ZBTB21: variants seen among roughly 807,000 people sequenced by gnomAD.
ZBTB21 encodes the protein zinc finger and BTB domain-containing protein 21.
ZBTB21 carries 10 observed loss-of-function variants against 39.8 expected under a neutral mutation model. The ratio of observed to expected loss-of-function variants is 0.25; its 90% confidence interval spans 0.16 to 0.43. The LOEUF is 0.43. Among genes scored for constraint, ZBTB21 ranks in the 20% least tolerant of loss-of-function variants. The probability of loss-of-function intolerance (pLI) is 1.00; values close to 1 mark genes in which losing one functional copy is unlikely to be tolerated. For synonymous variants in ZBTB21, 551 were observed against 498.8 expected, an observed-to-expected ratio of 1.10 and a Z score of -1.40; for missense variants, 1,221 against 1,296.3, an observed-to-expected ratio of 0.94 and a Z score of 0.89.
At chr21:42,008,400 C>T (rs1177779248) in intron 1 of ZBTB21, among the ~76,000 whole-genome samples, 1 of 147,720 alleles carries the variant, frequency 6.8e-6, no homozygotes, top group Non-Finnish European at 1.5e-5. Context: ...AGCCTGTAAT[C>T]CCGGCTACTC....
At position 41,993,686 on chromosome 21, in the gene ZBTB21, A is replaced by G. The variant is rs1244485020; in HGVS notation, c.410T>C (p.Val137Ala). The G allele has an allele frequency of 6.2e-7, 1 of 1,614,144 alleles. No individual in the cohort carries two copies. Among genetic ancestry groups the G allele is most frequent in the Non-Finnish European group, 8.5e-7 (1 of 1,180,030 alleles). ...PTCPNRKKVF[V>A]EDDENSSQKR... ...TTGAGAACTGTTTTCATCATCTTCT[A>G]CAAACACTTTTTTTCTATTAGGACA... is the stretch of plus-strand genomic sequence containing the variant. The change falls in exon 3 of 3, where the codon GTA (valine) becomes GCA (alanine). Residue 137 changes from valine to alanine, a missense_variant. Val to Ala is a moderately conservative substitution (Grantham distance 64). This residue lies in a region of ZBTB21 where 500 missense variants were observed against 465.6 expected (regional missense o/e 1.07). Transcript: ENST00000310826.
chr21:41,992,215 TCTCA>T lies in ZBTB21; in HGVS notation c.1877_1880del (p.Val626GlufsTer9), dbSNP rs774504533. 1.4e-5 allele frequency: 22 copies of T among 1,614,060 alleles called. No homozygotes were observed. Among genetic ancestry groups the T allele is most frequent in the Admixed American group, 1.7e-5 (1 of 60,008 alleles). ...TCAGGGCCTTCTTAATTTCTCTCTC[TCTCA>T]CTATGTCAATCAGCTTTCTTTGGAA... is the stretch of plus-strand genomic sequence containing the variant. On this transcript the variant is annotated frameshift_variant, in exon 3 of 3. Transcript: ENST00000310826. LOFTEE classifies it high-confidence loss of function. The surrounding 1 kb of genome is among the most constrained non-coding windows in gnomAD (Gnocchi z 4.1).
In ZBTB21 at chr21:41,993,436, A is replaced by G. The variant is rs1569106276; in HGVS notation, c.660T>C (p.Leu220=). 1 of 1,614,234 alleles carries G rather than the reference A, an allele frequency of 6.2e-7. No individual in the cohort carries two copies. The highest frequency in any genetic ancestry group is 1.7e-5 in the Admixed American group (1 of 60,030). The change falls in exon 3 of 3, where the codon CTT becomes CTC. Residue 220 remains leucine, a synonymous_variant. Transcript: ENST00000310826. The part of the protein sequence containing the change: ...KDSSVVYAKS[L]EHSGSLDDPN... ...GATCATCCAAAGATCCAGAATGCTC[A>G]AGAGACTTTGCATATACCACAGAAC...
At chr21:42,007,721 T>C (rs972907754) in intron 1 of ZBTB21, 1 of 152,246 alleles carries the variant, frequency 6.6e-6, no homozygotes, top group Non-Finnish European at 1.5e-5. Context: ...CTTGTTTGCA[T>C]GCACGTATCC....
intron 2 of ZBTB21, among the ~76,000 whole-genome samples, chr21:41,998,844 A>G (rs2065783772): frequency 1.3e-5 from 2 of 152,196 alleles, no homozygotes; most frequent in Admixed American, 6.5e-5. Flanking sequence ...GCCTGTCCAC[A>G]AACAACTACT....
intron 2 of ZBTB21, 38 bp from the exon 3 acceptor site, chr21:41,994,146 G>C (rs1246762700): frequency 1.3e-6 from 2 of 1,515,494 alleles, no homozygotes; most frequent in East Asian, 2.3e-5. Flanking sequence ...AGATATTGCA[G>C]TGAAAAGTTC....
In ZBTB21 at chr21:41,992,982, C is replaced by T; in HGVS notation, c.1114G>A (p.Ala372Thr). 1 of 1,614,222 alleles carries T rather than the reference C, an allele frequency of 6.2e-7. No individual in the cohort carries two copies. Among genetic ancestry groups the T allele is most frequent in the Non-Finnish European group, 8.5e-7 (1 of 1,180,052 alleles). Reference sequence around the variant, plus strand: ...AAAGCACACAACACATTCCCTGGTGCATCACTGGACACCGAAGATGATCCC... The same window carrying T: ...AAAGCACACAACACATTCCCTGGTGTATCACTGGACACCGAAGATGATCCC... ...SQGSSSVSSDAPGNVLCALSQ... is the reference protein window; with the variant it reads ...SQGSSSVSSDTPGNVLCALSQ... The change falls in exon 3 of 3, where the codon GCA becomes ACA. Residue 372 changes from alanine (A) to threonine (T), a missense_variant. Around this residue, in one of 4 missense-constraint regions of ZBTB21, gnomAD observed 500 missense variants for 465.6 expected, o/e 1.07. Coordinates refer to ENST00000310826, the MANE Select transcript of ZBTB21 (RefSeq NM_001098402.2). This position sits in a 1 kb window ranked among gnomAD's most constrained non-coding sequence, Gnocchi z 4.1.
At chr21:41,998,514 A>G (rs1162081600) in intron 2 of ZBTB21, among the ~76,000 whole-genome samples, 2 of 152,166 alleles carry the variant, frequency 1.3e-5, no homozygotes, top group Admixed American at 6.5e-5. Flanking sequence ...TTATAATGCC[A>G]TATTTTCTTT....
At position 41,993,835 on chromosome 21, in the gene ZBTB21, A is replaced by G; in HGVS notation, c.261T>C (p.Ile87=). Residue 87 remains isoleucine (I), a synonymous_variant, in exon 3 of 3, where the codon ATT becomes ATC. Transcript: ENST00000310826. ...TCTCAACAAATAGAGAGGAAGAATA[A>G]ATGTAGTTTAAAACATTATCAAAAG... ...PDAFDNVLNY[I]YSSSLFVEKS... The G allele has an allele frequency of 1.2e-6, 2 of 1,614,234 alleles. No individual in the cohort carries two copies. The highest frequency in any genetic ancestry group is 2.2e-5 in the South Asian group (2 of 91,076).
At chr21:42,008,754 C>T (rs899490224) in intron 1 of ZBTB21, among the ~76,000 whole-genome samples, 1 of 152,056 alleles carries the variant, frequency 6.6e-6, no homozygotes, top group African/African-American at 2.4e-5. Context: ...CAGAATGAAG[C>T]ACATTATACT....
At position 41,992,669 on chromosome 21, in the gene ZBTB21, T is replaced by C. The variant is rs759549499; in HGVS notation, c.1427A>G (p.Asp476Gly). Residue 476 changes from aspartate (D) to glycine (G), a missense_variant, in exon 3 of 3, where the codon GAC becomes GGC. Around this residue, in one of 4 missense-constraint regions of ZBTB21, gnomAD observed 500 missense variants for 465.6 expected, o/e 1.07. Transcript: ENST00000310826. The surrounding 1 kb of genome is among the most constrained non-coding windows in gnomAD (Gnocchi z 4.1). ...CCTTTTTGCTGGGAGTCTGCTCATG[T>C]CTTTTTGGTCATCTTCTGTTTTCAG... ...LSLKTEDDQK[D>G]MSRLPAKRRF... 1.2e-6 allele frequency: 2 copies of C among 1,614,128 alleles called. No homozygotes were observed. The highest frequency in any genetic ancestry group is 1.7e-6 in the Non-Finnish European group (2 of 1,180,006).
chr21:42,007,202 C>G (rs951145901), intron 1 of ZBTB21, among the ~76,000 whole-genome samples: 2 of 152,222 alleles, frequency 1.3e-5, no homozygotes, highest in African/African-American at 4.8e-5. Context: ...ATTATCAATG[C>G]TCAACATGTT....
At chr21:42,004,982 G>C (rs2065862136) in intron 1 of ZBTB21, among the ~76,000 whole-genome samples, 1 of 152,180 alleles carries the variant, frequency 6.6e-6, no homozygotes, top group African/African-American at 2.4e-5. Context: ...TTCAAACCTA[G>C]ACTAGCTTAT....
chr21:41,994,496 C>A (rs1349268143), intron 2 of ZBTB21, among the ~76,000 whole-genome samples: 1 of 152,284 alleles, frequency 6.6e-6, no homozygotes, highest in South Asian at 2.1e-4. Flanking sequence ...ATTATCAAAC[C>A]CCTGAAGTCT....
At chr21:42,004,549 T>C (rs538516801) in intron 1 of ZBTB21, among the ~76,000 whole-genome samples, 28 of 152,230 alleles carry the variant, frequency 1.8e-4, no homozygotes, top group African/African-American at 6.7e-4. Context: ...TCTCACCTAC[T>C]TGGACTAGTG....
intron 2 of ZBTB21, among the ~76,000 whole-genome samples, chr21:41,997,083 A>AT (rs1024276366): frequency 2.2e-4 from 33 of 151,988 alleles, no homozygotes; most frequent in African/African-American, 6.8e-4. Flanking sequence ...CACCTGGGTA[A>AT]TTTTTTTTAT....
In ZBTB21 at chr21:41,988,106, A is replaced by C. The variant is rs559326616; in HGVS notation, c.*2789T>G. 6.6e-6 allele frequency: 1 copy of C among 152,332 alleles called. No individual in the cohort carries two copies. The highest frequency in any genetic ancestry group is 6.5e-5 in the Admixed American group (1 of 15,308). 9.4% of individuals were successfully genotyped at this position (152,332 alleles called of 1,614,324 possible). The stretch of plus-strand genomic sequence containing the variant: ...CTAGTTTTAAAGGTGAATATTCTAC[A>C]AATCTTCAAATATTACTGTTAAAAT... On this transcript the variant is annotated 3_prime_UTR_variant, in exon 3 of 3. Transcript: ENST00000310826.
chr21:41,992,412 G>C lies in ZBTB21; in HGVS notation c.1684C>G (p.His562Asp). ...TTATGGTACATGTTAACATGACGGT[G>C]AAGACCTGCTGTTGATCTAAAGATC... ...LKIFRSTAGLHRHVNMYHNPE... is the reference protein window; with the variant it reads ...LKIFRSTAGLDRHVNMYHNPE... The change falls in exon 3 of 3, where the codon CAC becomes GAC. Residue 562 changes from histidine (H) to aspartate (D), a missense_variant. This residue lies in a region of ZBTB21 where 90 missense variants were observed against 133.1 expected (regional missense o/e 0.68). Transcript: ENST00000310826. This position sits in a 1 kb window ranked among gnomAD's most constrained non-coding sequence, Gnocchi z 4.1. 1 of 1,614,200 alleles carries C rather than the reference G, an allele frequency of 6.2e-7. No individual in the cohort carries two copies. The highest frequency in any genetic ancestry group is 2.2e-5 in the East Asian group (1 of 44,892).
At chr21:41,994,869 C>T (rs1355103851) in intron 2 of ZBTB21, among the ~76,000 whole-genome samples, 1 of 152,174 alleles carries the variant, frequency 6.6e-6, no homozygotes, top group African/African-American at 2.4e-5. Flanking sequence ...GGGGGTGGGT[C>T]TTTCTCGTTC....
Sources: allele counts gnomAD v4.1 joint callset (sites outside exome capture counted in the v4.1 genomes callset), GRCh38; gene constraint gnomAD v4.1.1; regional missense constraint gnomAD v4.1.1; non-coding constraint Gnocchi (gnomAD v3.1); transcripts MANE v1.5; gene names NCBI Gene and HGNC (gene_info 2026-07-23, HGNC 2026-07-21).